The following CLVS1 variants were observed in gnomAD, a reference collection of about 807,000 sequenced individuals.
CLVS1 encodes the protein clavesin-1.
In CLVS1, 10 loss-of-function variants were observed where a neutral mutation model predicts 33.1. The ratio of observed to expected loss-of-function variants is 0.30; its 90% confidence interval spans 0.19 to 0.51. The LOEUF (loss-of-function observed/expected upper bound fraction) is 0.51. CLVS1 is among the 20% of genes least tolerant of loss of function. The pLI, the probability that CLVS1 is intolerant of heterozygous loss-of-function variation, is 0.97. For synonymous variants in CLVS1, 163 were observed against 166.1 expected, an observed-to-expected ratio of 0.98 and a Z score of 0.14; for missense variants, 343 against 433.4, an observed-to-expected ratio of 0.79 and a Z score of 1.85.
chr8:61,301,681 C>A (rs1189113206), intron 2 of CLVS1, among the ~76,000 whole-genome samples: 1 of 152,150 alleles, frequency 6.6e-6, no homozygotes, highest in Non-Finnish European at 1.5e-5. Context: ...AGTTAAGGAG[C>A]TCACTCATGT....
At chr8:61,014,541 G>A in the CLVS1 span, among the ~76,000 whole-genome samples, 5 of 152,212 alleles carry the variant, frequency 3.3e-5, no homozygotes, top group Non-Finnish European at 7.3e-5. Context: ...CATCAGTCAA[G>A]CAACAACATG....
At chr8:61,305,230 A>AT (rs1810577921) in intron 2 of CLVS1, among the ~76,000 whole-genome samples, 1 of 150,768 alleles carries the variant, frequency 6.6e-6, no homozygotes, top group Non-Finnish European at 1.5e-5. Flanking sequence ...ATTGAGGTAA[A>AT]ATATATATAT....
chr8:61,443,736 A>G (rs1259851538), intron 3 of CLVS1, among the ~76,000 whole-genome samples: 1 of 152,142 alleles, frequency 6.6e-6, no homozygotes, highest in Non-Finnish European at 1.5e-5. Flanking sequence ...TATGTTTTCC[A>G]TAAAAATTTT....
intron 1 of CLVS1, among the ~76,000 whole-genome samples, chr8:61,126,883 G>A (rs1030640844): frequency 1.3e-5 from 2 of 152,198 alleles, no homozygotes; most frequent in Non-Finnish European, 2.9e-5. Context: ...AGAAAAAATG[G>A]TATTCCCTTA....
intron 1 of CLVS1, among the ~76,000 whole-genome samples, chr8:61,297,987 G>T (rs1187712069): frequency 7.9e-5 from 12 of 152,166 alleles, no homozygotes; most frequent in Admixed American, 7.9e-4. Context: ...GTCTGAGTTT[G>T]CTTGGAACCT....
In CLVS1 at chr8:61,292,116, AGT is replaced by A. The variant is rs1491372478; in HGVS notation, c.-152+3979_-152+3980del. The A allele has an allele frequency of 3.9e-3, 914 of 232,824 alleles. 6 individuals are homozygous for A. The African/African-American group carries it at 0.056, about 14-fold the overall frequency. The allele number at this position is 232,824 out of a possible 1,614,324, so 14.4% of individuals were successfully genotyped here. A position where few individuals can be genotyped will look rare whatever the true frequency, so the allele number is the denominator to read the frequency against. Reference sequence around the variant, plus strand: ...CCTTTGAGAAGCCAGGGCAAAGAAAAGTTTTTTTTTTTTTAATATTCTCACTT... The same window carrying A: ...CCTTTGAGAAGCCAGGGCAAAGAAAATTTTTTTTTTTTAATATTCTCACTT... On this transcript the variant is annotated intron_variant, in intron 1 of 5. Transcript: ENST00000325897.
chr8:61,193,294 C>G (rs759924156), intron 2 of CLVS1, among the ~76,000 whole-genome samples: 16 of 152,112 alleles, frequency 1.1e-4, no homozygotes, highest in Middle Eastern at 3.2e-3. Context: ...ACCACATGTT[C>G]TCACTCATAG....
At chr8:61,265,400 T>C (rs1809284339) in intron 2 of CLVS1, among the ~76,000 whole-genome samples, 1 of 152,248 alleles carries the variant, frequency 6.6e-6, no homozygotes, top group African/African-American at 2.4e-5. Context: ...TCCTTAACTA[T>C]AAATGGGCAT....
At chr8:61,149,868 A>T (rs1806493469) in intron 2 of CLVS1, among the ~76,000 whole-genome samples, 1 of 152,204 alleles carries the variant, frequency 6.6e-6, no homozygotes, top group Non-Finnish European at 1.5e-5. Context: ...TATATTTTAT[A>T]CTTAAAATTT....
At chr8:61,017,255 G>A in the CLVS1 span, among the ~76,000 whole-genome samples, 1 of 152,310 alleles carries the variant, frequency 6.6e-6, no homozygotes, top group South Asian at 2.1e-4. Context: ...TTTTATACCC[G>A]TGGGTATTTT....
the CLVS1 span, among the ~76,000 whole-genome samples, chr8:60,998,022 A>G: frequency 6.6e-6 from 1 of 152,082 alleles, no homozygotes; most frequent in Non-Finnish European, 1.5e-5. Context: ...GGAAGGCGTC[A>G]TCTTCCTCTT....
intron 1 of CLVS1, among the ~76,000 whole-genome samples, chr8:61,091,119 G>A (rs1454385874): frequency 5.3e-5 from 8 of 152,202 alleles, no homozygotes; most frequent in Admixed American, 5.2e-4. Context: ...TTATCGAGGT[G>A]GGCCTGAGGT....
chr8:61,372,649 A>G (rs1324539601), intron 2 of CLVS1, among the ~76,000 whole-genome samples: 2 of 151,952 alleles, frequency 1.3e-5, no homozygotes. Context: ...ATCCCACCCA[A>G]GATCCTACAT....
intron 1 of CLVS1, among the ~76,000 whole-genome samples, chr8:61,074,475 ATATAAG>A (rs977995779): frequency 6.2e-4 from 90 of 146,096 alleles, no homozygotes; most frequent in Non-Finnish European, 9.4e-4. Context: ...TGTTATATAT[ATATAAG>A]TATATGTGTA....
intron 3 of CLVS1, among the ~76,000 whole-genome samples, chr8:61,381,088 C>T (rs1261604014): frequency 6.6e-6 from 1 of 151,860 alleles, no homozygotes; most frequent in Non-Finnish European, 1.5e-5. Flanking sequence ...ATGCTCATGT[C>T]ATTATGGTCT....
chr8:61,118,889 C>T (rs1015182827), intron 1 of CLVS1, among the ~76,000 whole-genome samples: 33 of 152,082 alleles, frequency 2.2e-4, no homozygotes, highest in Middle Eastern at 6.8e-3. Flanking sequence ...CTATTAGGTC[C>T]GCTTGGTGCA....
chr8:61,058,131 C>T (rs1231876599), intron 1 of CLVS1, among the ~76,000 whole-genome samples: 3 of 152,186 alleles, frequency 2.0e-5, no homozygotes, highest in Non-Finnish European at 4.4e-5. Flanking sequence ...GTTCAGCAGG[C>T]TGAACTGTAG....
At position 61,090,738 on chromosome 8, in the gene CLVS1, G is replaced by A. The variant is rs182818076; in HGVS notation, c.-243+33508G>A. 5.2e-3 allele frequency among the ~76,000 whole-genome samples: 790 copies of A among 152,278 alleles called. 3 individuals carry two copies. Among genetic ancestry groups the A allele is most frequent in the Non-Finnish European group, 7.1e-3 (486 of 68,014 alleles). ...CATATCCCACTATTGTGTTTTTGGA[G>A]CATAAAACTTGTTTCCTAATTTCAC... is the stretch of plus-strand genomic sequence containing the variant. On this transcript the variant is annotated intron_variant, in intron 1 of 2. Transcript: ENST00000522621.
chr8:61,180,889 A>C (rs11987998), intron 2 of CLVS1, among the ~76,000 whole-genome samples: 14,721 of 152,262 alleles, frequency 0.097, 1,157 homozygotes, highest in African/African-American at 0.21. Flanking sequence ...ATCATACTGA[A>C]TGGGTAAAAC....
Sources: allele counts gnomAD v4.1 joint callset (sites outside exome capture counted in the v4.1 genomes callset), GRCh38; gene constraint gnomAD v4.1.1; transcripts MANE v1.5; gene names NCBI Gene and HGNC (gene_info 2026-07-23, HGNC 2026-07-21).